Variants in SLC39A11 observed in about 807,000 individuals in gnomAD.
The protein encoded by SLC39A11 is zinc transporter ZIP11.
Under a neutral mutation model 36.1 loss-of-function variants are expected in SLC39A11, and 33 were observed. The ratio of observed to expected loss-of-function variants is 0.91; its 90% CI spans 0.69 to 1.22. The LOEUF (loss-of-function observed/expected upper bound fraction) is 1.22, where lower values mean the gene tolerates loss of function less well. Ranked by LOEUF, SLC39A11 falls within the 50% of genes most tolerant of loss-of-function variation. The pLI, the probability that SLC39A11 is intolerant of heterozygous loss-of-function variation, is 0.00. For missense variants in SLC39A11, 432 were observed against 430.3 expected, an observed-to-expected ratio of 1.00 and a Z score of -0.03; for synonymous variants, 166 against 170.3, an observed-to-expected ratio of 0.97 and a Z score of 0.20.
chr17:72,688,169 C>T (rs1035366830), intron 7 of SLC39A11, among the ~76,000 whole-genome samples: 1 of 152,176 alleles, frequency 6.6e-6, no homozygotes, highest in Non-Finnish European at 1.5e-5. Flanking sequence ...TGTACAGGCC[C>T]GTTTCTGCTC....
intron 4 of SLC39A11, among the ~76,000 whole-genome samples, chr17:72,994,357 T>C (rs1022352834): frequency 3.9e-5 from 6 of 152,158 alleles, no homozygotes; most frequent in Non-Finnish European, 5.9e-5. Flanking sequence ...TTATATACAA[T>C]TGAAATACTA....
At chr17:72,651,766 T>G (rs2069864493) in intron 7 of SLC39A11, among the ~76,000 whole-genome samples, 1 of 152,190 alleles carries the variant, frequency 6.6e-6, no homozygotes, top group South Asian at 2.1e-4. Context: ...CTCTTGGGAC[T>G]GACAGAAGCA....
chr17:72,748,960 TC>T (rs1170329549), intron 6 of SLC39A11, among the ~76,000 whole-genome samples: 2 of 152,354 alleles, frequency 1.3e-5, no homozygotes, highest in East Asian at 3.9e-4. Context: ...CCTCCGGGCC[TC>T]TTTCTGCCGA....
At chr17:72,782,989 A>G (rs1199872168) in intron 6 of SLC39A11, among the ~76,000 whole-genome samples, 2 of 144,014 alleles carry the variant, frequency 1.4e-5, no homozygotes, top group Non-Finnish European at 3.0e-5. Flanking sequence ...ATGACAGCGC[A>G]AGACTCTGTC....
chr17:73,087,741 T>C (rs1274994923), intron 2 of SLC39A11, among the ~76,000 whole-genome samples: 1 of 151,028 alleles, frequency 6.6e-6, no homozygotes, highest in Non-Finnish European at 1.5e-5. Flanking sequence ...TGACAGTGAG[T>C]GAGGGCACTG....
At chr17:72,790,301 C>T (rs1330604897) in intron 6 of SLC39A11, among the ~76,000 whole-genome samples, 2 of 152,102 alleles carry the variant, frequency 1.3e-5, no homozygotes, top group African/African-American at 2.4e-5. Context: ...CACAAACAAA[C>T]ATGTGAAATA....
chr17:72,779,895 G>T (rs187334472), intron 6 of SLC39A11, among the ~76,000 whole-genome samples: 1 of 152,232 alleles, frequency 6.6e-6, no homozygotes, highest in East Asian at 1.9e-4. Flanking sequence ...TTTCAATAGG[G>T]CAAGGAGTCT....
rs11293390 is a variant in SLC39A11, at chr17:73,016,338, A to AT, written c.306+15217dup. On this transcript the variant is annotated intron_variant, in intron 4 of 9. Transcript: ENST00000255559. ...AGGGTGAAGAAGTATCAGAAAGTTG[A>AT]TTTTTTTTTTTTTTTGACAAAGTCT... 5.5e-3 allele frequency among the ~76,000 whole-genome samples: 790 copies of AT among 144,830 alleles called. 3 individuals carry two copies. Among genetic ancestry groups the AT allele is most frequent in the South Asian group, 0.023 (102 of 4,510 alleles).
intron 7 of SLC39A11, among the ~76,000 whole-genome samples, chr17:72,714,154 G>A (rs1430089571): frequency 2.0e-5 from 3 of 152,220 alleles, no homozygotes; most frequent in Non-Finnish European, 2.9e-5. Flanking sequence ...TCAGGAGTTC[G>A]AGACCAGCCT....
At chr17:73,052,313 A>AG (rs1012639342) in intron 3 of SLC39A11, among the ~76,000 whole-genome samples, 7 of 151,938 alleles carry the variant, frequency 4.6e-5, no homozygotes, top group Non-Finnish European at 1.0e-4. Context: ...AGGATGCTAG[A>AG]GGGGAAAAAA....
chr17:72,653,259 CA>C (rs2069941230), intron 7 of SLC39A11, among the ~76,000 whole-genome samples: 1 of 151,586 alleles, frequency 6.6e-6, no homozygotes, highest in African/African-American at 2.4e-5. Flanking sequence ...CATGTGCCAC[CA>C]CACCCCCCTA....
chr17:72,992,756 G>A (rs772822963), intron 4 of SLC39A11: 5 of 152,206 alleles, frequency 3.3e-5, no homozygotes, highest in East Asian at 3.8e-4. Flanking sequence ...AAGTTACAGC[G>A]TTAGAAAGCA....
chr17:72,834,459 C>G (rs958801363), intron 6 of SLC39A11, among the ~76,000 whole-genome samples: 1 of 151,952 alleles, frequency 6.6e-6, no homozygotes, highest in Non-Finnish European at 1.5e-5. Context: ...CCATCTCTAC[C>G]TAAAATACAA....
chr17:73,075,684 C>G (rs1189763675), intron 3 of SLC39A11, among the ~76,000 whole-genome samples: 2 of 152,148 alleles, frequency 1.3e-5, no homozygotes, highest in African/African-American at 4.8e-5. Context: ...GAAACTCCAT[C>G]TCTACTAAAA....
At chr17:72,708,650 C>T (rs2072990495) in intron 7 of SLC39A11, among the ~76,000 whole-genome samples, 1 of 152,218 alleles carries the variant, frequency 6.6e-6, no homozygotes, top group Admixed American at 6.5e-5. Context: ...ATTGCTTCTC[C>T]ATTCTTCTAC....
chr17:72,920,677 T>A (rs1340999858), intron 5 of SLC39A11, among the ~76,000 whole-genome samples: 1 of 87,134 alleles, frequency 1.1e-5, no homozygotes, highest in African/African-American at 4.8e-5. Flanking sequence ...ACAAACACAC[T>A]TCTCACCCCC....
At chr17:72,909,750 CTT>C (rs56091262) in intron 5 of SLC39A11, among the ~76,000 whole-genome samples, 3 of 144,676 alleles carry the variant, frequency 2.1e-5, no homozygotes, top group Admixed American at 6.9e-5. Flanking sequence ...TTTCTTTTTT[CTT>C]TTTTTTTTTT....
chr17:72,647,548 C>T lies in SLC39A11; in HGVS notation c.*36G>A, dbSNP rs541463397. The T allele has an allele frequency of 1.9e-5, 30 of 1,589,034 alleles. No homozygotes were observed. The South Asian group carries it at 2.6e-4, about 14-fold the overall frequency. ...TAGAAGCCAACCACTGCTGTTTCTT[C>T]GTATGGCCTTTCCCGGGGTCCGAAG... On this transcript the variant is annotated 3_prime_UTR_variant, in exon 10 of 10. Coordinates refer to ENST00000255559, the MANE Select transcript of SLC39A11 (RefSeq NM_139177.4).
chr17:72,714,497 C>T (rs1173975519), intron 7 of SLC39A11, among the ~76,000 whole-genome samples: 4 of 152,138 alleles, frequency 2.6e-5, no homozygotes, highest in Non-Finnish European at 5.9e-5. Context: ...AGGTAAGAAG[C>T]GCAGCAGCCA....
Sources: gnomAD v4.1 joint callset for allele counts (sites outside exome capture counted in the v4.1 genomes callset) on GRCh38, gnomAD v4.1.1 for gene constraint, MANE v1.5 for transcripts, NCBI Gene and HGNC (gene_info 2026-07-23, HGNC 2026-07-21) for gene names.